Variants in SLC25A13 observed in about 807,000 individuals in gnomAD.
SLC25A13 encodes the protein solute carrier family 25 member 13.
Under a neutral mutation model 85.5 loss-of-function variants are expected in SLC25A13, and 70 were observed. The ratio of observed to expected loss-of-function variants is 0.82; its 90% confidence interval spans 0.68 to 1.00. SLC25A13 has a LOEUF of 1.00. Among genes scored for constraint, SLC25A13 ranks in the 50% least tolerant of loss-of-function variants. SLC25A13 has a pLI of 0.00. For missense variants in SLC25A13, 765 were observed against 819.8 expected (o/e 0.93, Z 0.82); for synonymous variants, 259 against 288.7 (o/e 0.90, Z 1.04).
In SLC25A13 at chr7:96,322,051, C is replaced by T. The variant is rs1003114256; in HGVS notation, c.-95G>A. On this transcript the variant is annotated 5_prime_UTR_variant, in exon 1 of 18. Transcript: ENST00000265631. ...TCACTTCTAGTCCCGGCGGCGGCGG[C>T]GGTGGGGGCGGCGATACGGCCAGGC... 4.6e-5 allele frequency: 65 copies of T among 1,423,694 alleles called. No homozygotes were observed. The highest frequency in any genetic ancestry group is 2.2e-4 in the Middle Eastern group (1 of 4,638). 88.2% of individuals were successfully genotyped at this position (1,423,694 alleles called of 1,614,324 possible).
intron 13 of SLC25A13, among the ~76,000 whole-genome samples, chr7:96,154,650 G>C (rs1438182526): frequency 6.6e-6 from 1 of 152,122 alleles, no homozygotes; most frequent in Admixed American, 6.5e-5. Context: ...GTCAATGGTA[G>C]AGTGGACTCC....
At chr7:96,185,808 G>A (rs908008855) in intron 9 of SLC25A13, among the ~76,000 whole-genome samples, 1 of 151,772 alleles carries the variant, frequency 6.6e-6, no homozygotes, top group Non-Finnish European at 1.5e-5. Flanking sequence ...GCTGAGGCAG[G>A]AGAATGGCGT....
intron 3 of SLC25A13, among the ~76,000 whole-genome samples, chr7:96,251,229 C>T (rs1351325034): frequency 1.1e-4 from 17 of 152,046 alleles, no homozygotes; most frequent in African/African-American, 4.1e-4. Context: ...GCAAGAAGAC[C>T]AATGTCACCA....
intron 1 of SLC25A13, among the ~76,000 whole-genome samples, chr7:96,314,144 G>C (rs1305344763): frequency 6.6e-6 from 1 of 151,988 alleles, no homozygotes; most frequent in Non-Finnish European, 1.5e-5. Flanking sequence ...GAGGAGAAAG[G>C]ATGAAGGACG....
Position 96,184,366 on chromosome 7 carries a change from C to A in SLC25A13, c.1088G>T (p.Gly363Val), listed in dbSNP as rs35996658. ...KTRMQNQRST[G>V]SFVGELMYKN... ...ATACATGAGTTCTCCCACAAAAGAGCCAGTTGATCGTTGGTTCTGCATTCG... is the reference window on the plus strand; with the variant it reads ...ATACATGAGTTCTCCCACAAAAGAGACAGTTGATCGTTGGTTCTGCATTCG... The change falls in exon 11 of 18, where the codon GGC becomes GTC. Residue 363 changes from glycine (G) to valine (V), a missense_variant. Gly to Val is a moderately radical substitution (Grantham distance 109). Transcript: ENST00000265631. The A allele has an allele frequency of 2.2e-4, 348 of 1,613,974 alleles. 1 individual carries two copies. Among genetic ancestry groups the A allele is most frequent in the Non-Finnish European group, 3.8e-5 (45 of 1,180,022 alleles).
At chr7:96,124,486 T>A (rs1791644169) in intron 15 of SLC25A13, among the ~76,000 whole-genome samples, 1 of 152,220 alleles carries the variant, frequency 6.6e-6, no homozygotes, top group South Asian at 2.1e-4. Context: ...TGATGGCGTC[T>A]TCATAGTGAA....
intron 3 of SLC25A13, among the ~76,000 whole-genome samples, chr7:96,263,714 A>C (rs1454546027): frequency 6.6e-6 from 1 of 152,006 alleles, no homozygotes; most frequent in Non-Finnish European, 1.5e-5. Context: ...CAACATACTT[A>C]TCCTTCAATA....
At chr7:96,316,139 T>A (rs1311274392) in intron 1 of SLC25A13, among the ~76,000 whole-genome samples, 1 of 151,958 alleles carries the variant, frequency 6.6e-6, no homozygotes, top group Non-Finnish European at 1.5e-5. Context: ...TATATATATA[T>A]ATTATAGTCC....
At chr7:96,158,557 T>C (rs1300587019) in intron 13 of SLC25A13, among the ~76,000 whole-genome samples, 2 of 152,236 alleles carry the variant, frequency 1.3e-5, no homozygotes, top group East Asian at 1.9e-4. Context: ...TTATGCTCAA[T>C]TGAATGTACT....
intron 3 of SLC25A13, among the ~76,000 whole-genome samples, chr7:96,235,406 A>C (rs1480343852): frequency 6.6e-6 from 1 of 152,234 alleles, no homozygotes; most frequent in Non-Finnish European, 1.5e-5. Context: ...GAATACAGAT[A>C]AATGATACAT....
intron 2 of SLC25A13, 69 bp from the exon 3 acceptor site, chr7:96,277,407 T>C (rs1487553905): frequency 6.8e-7 from 1 of 1,464,034 alleles, no homozygotes. Flanking sequence ...ATGAGAGTGA[T>C]ATGTGAAAAA....
At chr7:96,149,405 T>C (rs1212898461) in intron 13 of SLC25A13, among the ~76,000 whole-genome samples, 1 of 152,184 alleles carries the variant, frequency 6.6e-6, no homozygotes, top group Non-Finnish European at 1.5e-5. Context: ...TAGCATTATA[T>C]ACAATAAAAC....
At chr7:96,151,672 G>A (rs565207737) in intron 13 of SLC25A13, among the ~76,000 whole-genome samples, 13 of 152,028 alleles carry the variant, frequency 8.6e-5, no homozygotes, top group Middle Eastern at 3.4e-3. Context: ...GTCGGGTGCA[G>A]TGACTCATGC....
intron 1 of SLC25A13, among the ~76,000 whole-genome samples, chr7:96,305,125 T>C (rs1190359897): frequency 6.6e-6 from 1 of 152,124 alleles, no homozygotes; most frequent in Admixed American, 6.5e-5. Context: ...GAAGAGTGAG[T>C]AATATCCCCA....
intron 4 of SLC25A13, among the ~76,000 whole-genome samples, chr7:96,216,936 A>G (rs1795923331): frequency 6.6e-6 from 1 of 152,196 alleles, no homozygotes; most frequent in Admixed American, 6.5e-5. Flanking sequence ...AAAGAAAAGA[A>G]AAAGATAAAA....
At chr7:96,130,532 A>G (rs540396216) in intron 15 of SLC25A13, among the ~76,000 whole-genome samples, 59 of 152,342 alleles carry the variant, frequency 3.9e-4, no homozygotes, top group African/African-American at 1.4e-3. Flanking sequence ...TCACACATTA[A>G]TAAGTGGTAC....
At chr7:96,146,154 A>C (rs544442417) in intron 14 of SLC25A13, among the ~76,000 whole-genome samples, 43 of 152,342 alleles carry the variant, frequency 2.8e-4, no homozygotes, top group African/African-American at 9.9e-4. Flanking sequence ...AATTAAGACA[A>C]GGCATACATA....
chr7:96,131,839 T>C lies in SLC25A13; in HGVS notation c.1495A>G (p.Ile499Val), dbSNP rs1388764303. The change falls in exon 15 of 18, where the codon ATC (isoleucine) becomes GTC (valine). Residue 499 changes from isoleucine (I) to valine (V), a missense_variant. Coordinates refer to ENST00000265631, the MANE Select transcript of SLC25A13 (RefSeq NM_014251.3). Reference protein sequence around the residue: ...CFLRDIPFSAIYFPCYAHVKA... With the variant: ...CFLRDIPFSAVYFPCYAHVKA... ...ACATGAGCATAGCACGGAAAGTAGA[T>C]GGCCGAGAAAGGAATGTCCCGCAGA... 4 of 1,614,070 alleles carry C rather than the reference T, an allele frequency of 2.5e-6. No individual in the cohort carries two copies. In the South Asian group the frequency reaches 3.3e-5, roughly 13 times the overall value.
chr7:96,126,600 C>G (rs1160618689), intron 15 of SLC25A13, among the ~76,000 whole-genome samples: 2 of 152,190 alleles, frequency 1.3e-5, no homozygotes, highest in African/African-American at 4.8e-5. Context: ...ATTCTTCACT[C>G]AAAGGTTAAC....
Sources: allele counts gnomAD v4.1 joint callset (sites outside exome capture counted in the v4.1 genomes callset), GRCh38; gene constraint gnomAD v4.1.1; transcripts MANE v1.5; gene names NCBI Gene and HGNC (gene_info 2026-07-23, HGNC 2026-07-21).